The following CD226 variants were observed in gnomAD, a reference collection of about 807,000 sequenced individuals.
CD226 encodes CD226 molecule, also known as CD226 antigen.
In CD226, 24 loss-of-function variants were observed where a neutral mutation model predicts 34.9. The observed-to-expected ratio is 0.69, with a 90% confidence interval of 0.50 to 0.97. The LOEUF is 0.97. CD226 is among the 50% of genes least tolerant of loss of function. The probability of loss-of-function intolerance (pLI) is 0.00; values close to 1 mark genes in which losing one functional copy is unlikely to be tolerated. For synonymous variants in CD226, 148 were observed against 147.4 expected, an observed-to-expected ratio of 1.00 and a Z score of -0.03; for missense variants, 397 against 412.7, an observed-to-expected ratio of 0.96 and a Z score of 0.33.
chr18:69,875,311 T>C (rs893239682), intron 3 of CD226, among the ~76,000 whole-genome samples: 1 of 152,124 alleles, frequency 6.6e-6, no homozygotes, highest in Non-Finnish European at 1.5e-5. Flanking sequence ...CTAATTTTTG[T>C]ATTTTTAGTA....
At chr18:69,959,690 T>C (rs943978402), upstream of CD226, among the ~76,000 whole-genome samples, 2 of 152,124 alleles carry the variant, frequency 1.3e-5, no homozygotes, top group African/African-American at 2.4e-5. Flanking sequence ...ATTAAAATAA[T>C]AGATGGAGAC....
chr18:69,901,129 C>G (rs1007232115), intron 2 of CD226, among the ~76,000 whole-genome samples: 1 of 151,662 alleles, frequency 6.6e-6, no homozygotes, highest in African/African-American at 2.4e-5. Context: ...AAGCAGCCCA[C>G]GGGAATATGA....
intron 3 of CD226, among the ~76,000 whole-genome samples, chr18:69,873,873 A>C (rs1342136698): frequency 1.3e-5 from 2 of 152,202 alleles, no homozygotes; most frequent in Non-Finnish European, 2.9e-5. Context: ...TCTATGTAAA[A>C]ATAAATAAAA....
intron 2 of CD226, among the ~76,000 whole-genome samples, chr18:69,901,129 C>T (rs1007232115): frequency 5.3e-5 from 8 of 151,662 alleles, no homozygotes; most frequent in Non-Finnish European, 1.0e-4. Flanking sequence ...AAGCAGCCCA[C>T]GGGAATATGA....
chr18:69,940,085 C>G (rs1010471824), intron 2 of CD226, among the ~76,000 whole-genome samples: 22 of 152,260 alleles, frequency 1.4e-4, no homozygotes, highest in African/African-American at 5.3e-4. Flanking sequence ...AGTTAGTTCT[C>G]ATGAGATCTG....
chr18:69,954,460 T>G (rs1279424732), intron 1 of CD226, among the ~76,000 whole-genome samples: 1 of 152,036 alleles, frequency 6.6e-6, no homozygotes, highest in East Asian at 1.9e-4. Context: ...GGGGTAGAGG[T>G]GCAGGTAGAG....
intron 2 of CD226, among the ~76,000 whole-genome samples, chr18:69,922,421 A>G (rs2055463693): frequency 6.6e-6 from 1 of 152,178 alleles, no homozygotes; most frequent in Non-Finnish European, 1.5e-5. Flanking sequence ...AGCTGGGACC[A>G]CAGATGCATA....
intron 3 of CD226, among the ~76,000 whole-genome samples, chr18:69,894,169 C>T (rs1297985036): frequency 6.7e-6 from 1 of 149,516 alleles, no homozygotes; most frequent in Non-Finnish European, 1.5e-5. Context: ...AACTGTAATA[C>T]AGGCCTCTAC....
Position 69,893,156 on chromosome 18 carries a change from T to C in CD226, c.727+2545A>G, listed in dbSNP as rs77370633. ...GTCAATGGCTGTCATCTTCTGTCAA[T>C]GATAACTTTTTACTAATGGATACAA... On this transcript the variant is annotated intron_variant, in intron 3 of 5. Coordinates refer to ENST00000582621, the MANE Select transcript of CD226 (RefSeq NM_001303618.2). Among the ~76,000 whole-genome samples the C allele has an allele frequency of 2.8e-3, 426 of 152,334 alleles. 4 individuals carry two copies. The highest frequency in any genetic ancestry group is 9.8e-3 in the African/African-American group (408 of 41,570).
chr18:69,930,147 C>T (rs1744745477), intron 2 of CD226, among the ~76,000 whole-genome samples: 1 of 152,048 alleles, frequency 6.6e-6, no homozygotes, highest in African/African-American at 2.4e-5. Flanking sequence ...CAGGTAAAAG[C>T]ATCTAGATGA....
chr18:69,863,285 G>A lies in CD226; in HGVS notation c.*1029C>T, dbSNP rs1245260323. On this transcript the variant is annotated 3_prime_UTR_variant, in exon 6 of 6. Transcript: ENST00000582621. ...CATAATCATTAAAAAATAATAACTA[G>A]GTGCCTGACCCTTTTGAGAGAATTT... The A allele has an allele frequency of 6.6e-6, 1 of 151,942 alleles. No individual in the cohort carries two copies. The allele number at this position is 151,942 out of a possible 1,614,324, so 9.4% of individuals were successfully genotyped here.
At chr18:69,961,180 C>A (rs2055927938), upstream of CD226, among the ~76,000 whole-genome samples, 1 of 152,016 alleles carries the variant, frequency 6.6e-6, no homozygotes, top group African/African-American at 2.4e-5. Flanking sequence ...TAATTGTGTG[C>A]CTGTGTGAAT....
chr18:69,897,162 T>C (rs568440693), intron 2 of CD226, among the ~76,000 whole-genome samples: 4 of 152,344 alleles, frequency 2.6e-5, no homozygotes, highest in African/African-American at 7.2e-5. Flanking sequence ...GCTAGTGGTA[T>C]GCATGCTTGA....
At chr18:69,923,872 T>A (rs1823816520) in intron 2 of CD226, among the ~76,000 whole-genome samples, 1 of 150,064 alleles carries the variant, frequency 6.7e-6, no homozygotes, top group South Asian at 2.1e-4. Context: ...GAGAATGGCA[T>A]GAACCCAGGA....
intron 3 of CD226, among the ~76,000 whole-genome samples, chr18:69,886,378 G>A (rs1599394698): frequency 6.6e-6 from 1 of 152,158 alleles, no homozygotes. Context: ...TCTTAGAACA[G>A]CTACTTATAA....
chr18:69,936,133 G>GT (rs960541107), intron 2 of CD226, among the ~76,000 whole-genome samples: 1 of 152,192 alleles, frequency 6.6e-6, no homozygotes, highest in Non-Finnish European at 1.5e-5. Context: ...ACCCGTGCCT[G>GT]TACGTGAATT....
chr18:69,951,033 T>C (rs79865632), upstream of CD226, among the ~76,000 whole-genome samples: 2,015 of 150,388 alleles, frequency 0.013, 53 homozygotes, highest in African/African-American at 0.047. Flanking sequence ...GGACGTGCTA[T>C]GTTGTCCAGG....
At chr18:69,867,727 A>C (rs1279557593) in intron 4 of CD226, among the ~76,000 whole-genome samples, 2 of 152,214 alleles carry the variant, frequency 1.3e-5, no homozygotes, top group Non-Finnish European at 2.9e-5. Context: ...CTTTCTCCAA[A>C]TAACCTCACA....
At chr18:69,913,393 CT>C (rs937744991) in intron 2 of CD226, among the ~76,000 whole-genome samples, 1 of 152,134 alleles carries the variant, frequency 6.6e-6, no homozygotes, top group Non-Finnish European at 1.5e-5. Flanking sequence ...ATTATTTAAG[CT>C]TTTTATTTCT....
Sources: gnomAD v4.1 joint callset for allele counts (sites outside exome capture counted in the v4.1 genomes callset) on GRCh38, gnomAD v4.1.1 for gene constraint, MANE v1.5 for transcripts, NCBI Gene and HGNC (gene_info 2026-07-23, HGNC 2026-07-21) for gene names.